The following PABPC4L variants were observed in gnomAD, a reference collection of about 807,000 sequenced individuals.
The protein encoded by PABPC4L is polyadenylate-binding protein 4-like.
For synonymous variants in PABPC4L, 169 were observed against 164.1 expected (o/e 1.03, Z -0.23); for missense variants, 452 against 451.4 (o/e 1.00, Z -0.01).
chr4:134,108,749 C>T, the PABPC4L span, among the ~76,000 whole-genome samples: 4 of 151,724 alleles, frequency 2.6e-5, no homozygotes, highest in African/African-American at 7.3e-5. Flanking sequence ...AACCTAGACC[C>T]TGATTTTTTT....
the PABPC4L span, among the ~76,000 whole-genome samples, chr4:134,148,419 T>C: frequency 6.6e-6 from 1 of 152,070 alleles, no homozygotes; most frequent in Non-Finnish European, 1.5e-5. Context: ...AAGCTTTAGC[T>C]CTGCTTTTTT....
At chr4:134,089,728 C>T in the PABPC4L span, among the ~76,000 whole-genome samples, 1 of 151,912 alleles carries the variant, frequency 6.6e-6, no homozygotes, top group Non-Finnish European at 1.5e-5. Context: ...TGCAAAATCC[C>T]TCATATCAGG....
chr4:134,025,714 G>A, the PABPC4L span, among the ~76,000 whole-genome samples: 4 of 151,836 alleles, frequency 2.6e-5, no homozygotes, highest in Middle Eastern at 0.01. Context: ...ATTTTCAGTG[G>A]GAAATCTCTT....
chr4:133,981,999 C>A, the PABPC4L span, among the ~76,000 whole-genome samples: 1,027 of 151,886 alleles, frequency 6.8e-3, 13 homozygotes, highest in African/African-American at 0.023. Context: ...TGTATAGGGA[C>A]ATAAAAAAGG....
At chr4:133,980,923 C>A in the PABPC4L span, among the ~76,000 whole-genome samples, 1 of 152,000 alleles carries the variant, frequency 6.6e-6, no homozygotes, top group Non-Finnish European at 1.5e-5. Context: ...TTTGGGAGGC[C>A]GAAGTGGGCA....
the PABPC4L span, among the ~76,000 whole-genome samples, chr4:134,073,891 C>G: frequency 1.3e-5 from 2 of 152,116 alleles, no homozygotes; most frequent in Non-Finnish European, 2.9e-5. Context: ...TGCAGGGCAC[C>G]ATGTCCCGAG....
At chr4:134,104,429 C>T in the PABPC4L span, among the ~76,000 whole-genome samples, 3 of 151,680 alleles carry the variant, frequency 2.0e-5, no homozygotes, top group African/African-American at 4.8e-5. Context: ...CAGGTCCCAT[C>T]CACCACCTAC....
At chr4:134,159,091 A>G in the PABPC4L span, among the ~76,000 whole-genome samples, 1 of 152,208 alleles carries the variant, frequency 6.6e-6, no homozygotes, top group Admixed American at 6.5e-5. Flanking sequence ...TATAGAAAAG[A>G]AAGTTACTGT....
In PABPC4L at chr4:134,199,767, A is replaced by C. The variant is rs1020503534; in HGVS notation, c.*140T>G. 1 of 1,161,418 alleles carries C rather than the reference A, an allele frequency of 8.6e-7. No homozygotes were observed. Among genetic ancestry groups the C allele is most frequent in the Admixed American group, 3.3e-5 (1 of 30,420 alleles). The allele number at this position is 1,161,418 out of a possible 1,614,324, so 71.9% of individuals were successfully genotyped here. On this transcript the variant is annotated 3_prime_UTR_variant, in exon 2 of 2. Transcript: ENST00000421491. The stretch of plus-strand genomic sequence containing the variant: ...AAAAGAAAAAAAATGGCTTTGTATA[A>C]AAAACGTTTTATCATAAAGTTTACT...
chr4:134,171,915 A>G, the PABPC4L span, among the ~76,000 whole-genome samples: 2 of 152,098 alleles, frequency 1.3e-5, no homozygotes, highest in South Asian at 2.1e-4. Flanking sequence ...CCCATTCACA[A>G]TATAGCCACA....
the PABPC4L span, among the ~76,000 whole-genome samples, chr4:134,105,796 C>T: frequency 2.6e-5 from 4 of 151,516 alleles, no homozygotes; most frequent in Non-Finnish European, 4.4e-5. Context: ...GCTTTATTCT[C>T]TAATCAATTG....
chr4:134,005,087 T>C, the PABPC4L span, among the ~76,000 whole-genome samples: 1 of 151,812 alleles, frequency 6.6e-6, no homozygotes, highest in Non-Finnish European at 1.5e-5. Flanking sequence ...ATGTAAAAAT[T>C]GCTGAGTAGA....
At chr4:134,120,561 T>C in the PABPC4L span, among the ~76,000 whole-genome samples, 1 of 151,024 alleles carries the variant, frequency 6.6e-6, no homozygotes, top group Admixed American at 6.6e-5. Context: ...ATTTTTTTAG[T>C]TTTTGTTTGA....
the PABPC4L span, among the ~76,000 whole-genome samples, chr4:133,997,109 A>G: frequency 3.6e-4 from 55 of 152,208 alleles, no homozygotes; most frequent in African/African-American, 1.3e-3. Flanking sequence ...ATCTCCTACA[A>G]TTAAGGCCTC....
chr4:133,978,355 C>A, the PABPC4L span, among the ~76,000 whole-genome samples: 1 of 152,138 alleles, frequency 6.6e-6, no homozygotes, highest in African/African-American at 2.4e-5. Context: ...TGCCTGTCAT[C>A]CCACCAATTT....
At chr4:134,179,834 T>C in the PABPC4L span, among the ~76,000 whole-genome samples, 3,424 of 152,160 alleles carry the variant, frequency 0.023, 132 homozygotes, top group African/African-American at 0.078. Context: ...ACAAGAGGAC[T>C]TAACTATCCT....
At chr4:134,045,367 G>A in the PABPC4L span, among the ~76,000 whole-genome samples, 2 of 151,890 alleles carry the variant, frequency 1.3e-5, no homozygotes, top group African/African-American at 2.4e-5. Context: ...CCTACATTTC[G>A]GTTTGGAAGT....
Position 134,200,042 on chromosome 4 carries a change from C to T in PABPC4L, c.978G>A (p.Gln326=), listed in dbSNP as rs1729796637. The change falls in exon 2 of 2, where the codon CAG becomes CAA. Residue 326 remains glutamine, a synonymous_variant. Transcript: ENST00000421491. ...FGSISRVKVM[Q]EEGQSKGFGL... ...CAAACCCTTTGCTCTGCCCCTCTTCCTGCATTACCTTAACTCTGCTAATTG... is the reference window on the plus strand; with the variant it reads ...CAAACCCTTTGCTCTGCCCCTCTTCTTGCATTACCTTAACTCTGCTAATTG... 1 of 1,551,672 alleles carries T rather than the reference C, an allele frequency of 6.4e-7. No individual in the cohort carries two copies. Among genetic ancestry groups the T allele is most frequent in the Non-Finnish European group, 8.7e-7 (1 of 1,146,974 alleles).
the PABPC4L span, among the ~76,000 whole-genome samples, chr4:134,152,008 T>C: frequency 1.3e-5 from 2 of 151,938 alleles, no homozygotes; most frequent in African/African-American, 4.8e-5. Flanking sequence ...ATTATTATTT[T>C]TGAGCAGCTT....
Sources: gnomAD v4.1 joint callset for allele counts (sites outside exome capture counted in the v4.1 genomes callset) on GRCh38, gnomAD v4.1.1 for gene constraint, MANE v1.5 for transcripts, NCBI Gene and HGNC (gene_info 2026-07-23, HGNC 2026-07-21) for gene names.